Variants in FAM149B1 observed in about 807,000 individuals in gnomAD.
FAM149B1 encodes the protein primary cilium assembly protein FAM149B1.
A neutral mutation model predicts 75.3 loss-of-function variants in FAM149B1; 56 were observed. The observed-to-expected ratio is 0.74, with a 90% CI of 0.60 to 0.93. The LOEUF is 0.93. FAM149B1 is among the 40% of genes least tolerant of loss of function. FAM149B1 has a pLI of 0.00. For synonymous variants in FAM149B1, 259 were observed against 256.1 expected (o/e 1.01, Z -0.11); for missense variants, 639 against 708.4 (o/e 0.90, Z 1.11).
chr10:73,231,621 C>T (rs2043699782), intron 9 of FAM149B1, among the ~76,000 whole-genome samples: 2 of 149,808 alleles, frequency 1.3e-5, no homozygotes, highest in South Asian at 2.1e-4. Context: ...GGGTGAGAAA[C>T]GAATGAGCTA....
intron 7 of FAM149B1, among the ~76,000 whole-genome samples, chr10:73,227,235 G>A (rs951200769): frequency 2.6e-5 from 4 of 151,990 alleles, no homozygotes; most frequent in African/African-American, 4.8e-5. Flanking sequence ...CCAAGGGCAC[G>A]TGCCACCATG....
chr10:73,208,191 T>C (rs758987257), intron 5 of FAM149B1, among the ~76,000 whole-genome samples: 1 of 152,232 alleles, frequency 6.6e-6, no homozygotes, highest in African/African-American at 2.4e-5. Context: ...CCTCTCTTGC[T>C]CCTGCTCCCA....
At chr10:73,234,572 G>A in intron 10 of FAM149B1, 1 of 458,068 alleles carries the variant, frequency 2.2e-6, no homozygotes, top group East Asian at 4.0e-5. Flanking sequence ...CCAGTTCTGT[G>A]GGAGAGAAAA....
chr10:73,174,681 T>C lies in FAM149B1; in HGVS notation c.48-6T>C, dbSNP rs895336029. 8 of 1,539,536 alleles carry C rather than the reference T, an allele frequency of 5.2e-6. No homozygotes were observed. Among genetic ancestry groups the C allele is most frequent in the Non-Finnish European group, 7.0e-6 (8 of 1,138,558 alleles). ...AGGAAATATAACTTTGTTTTGTCTT[T>C]CACAGGAAAGGAATAACAAAACATG... On this transcript the variant is annotated splice_region_variant and splice_polypyrimidine_tract_variant and intron_variant, in intron 1 of 13. Transcript: ENST00000242505.
intron 1 of FAM149B1, among the ~76,000 whole-genome samples, chr10:73,168,719 A>G (rs968007509): frequency 6.6e-6 from 1 of 152,252 alleles, no homozygotes; most frequent in African/African-American, 2.4e-5. Flanking sequence ...CTCACTTGAC[A>G]CTGTGCAAAG....
intron 12 of FAM149B1, among the ~76,000 whole-genome samples, chr10:73,237,808 C>CA (rs1481487371): frequency 1.3e-5 from 2 of 152,094 alleles, no homozygotes; most frequent in African/African-American, 4.8e-5. Flanking sequence ...ACTGCAGCCT[C>CA]AAACTCCTGG....
rs560067839 is a variant in FAM149B1 at position 73,243,959 on chromosome 10, G to A, written c.*2940G>A. The A allele has an allele frequency of 5.6e-4, 889 of 1,582,424 alleles. 10 individuals are homozygous for A. The South Asian group carries it at 9.4e-3, about 17-fold the overall frequency. ...AACAGGAACTCACATGAGACTCAGG[G>A]CCACCAGGAAATGCTTAAAATACAT... On this transcript the variant is annotated 3_prime_UTR_variant, in exon 14 of 14. Coordinates refer to ENST00000242505, the MANE Select transcript of FAM149B1 (RefSeq NM_173348.2).
At chr10:73,228,666 C>T (rs755233469) in intron 8 of FAM149B1, among the ~76,000 whole-genome samples, 1 of 152,014 alleles carries the variant, frequency 6.6e-6, no homozygotes, top group Non-Finnish European at 1.5e-5. Flanking sequence ...GGCATGATCT[C>T]GGCTCACTGC....
In FAM149B1 at chr10:73,174,448, A is replaced by G. The variant is rs375221745; in HGVS notation, c.48-239A>G. 1.3e-3 allele frequency among the ~76,000 whole-genome samples: 192 copies of G among 152,358 alleles called. 6 individuals are homozygous for G. In the South Asian group the frequency reaches 0.038, roughly 30 times the overall value. On this transcript the variant is annotated intron_variant, in intron 1 of 13. Coordinates refer to ENST00000242505, the MANE Select transcript of FAM149B1 (RefSeq NM_173348.2). ...TTTAACAACCCAATATATCCAAAATATTATCATTTTAATATGTAATCAAGA... is the reference window on the plus strand; with the variant it reads ...TTTAACAACCCAATATATCCAAAATGTTATCATTTTAATATGTAATCAAGA...
intron 7 of FAM149B1, among the ~76,000 whole-genome samples, chr10:73,212,853 C>CTCTGTGTT (rs1222612834): frequency 6.8e-6 from 1 of 146,124 alleles, no homozygotes; most frequent in East Asian, 2.2e-4. Context: ...CACTCTCTCT[C>CTCTGTGTT]TCTCTCTGTG....
intron 9 of FAM149B1, among the ~76,000 whole-genome samples, 162 bp from the exon 10 acceptor site, chr10:73,232,777 A>G (rs1310841625): frequency 6.6e-6 from 1 of 152,218 alleles, no homozygotes; most frequent in Non-Finnish European, 1.5e-5. Context: ...TGCCTGAGCT[A>G]GAGTACCATC....
intron 7 of FAM149B1, among the ~76,000 whole-genome samples, chr10:73,215,247 C>T (rs2043270853): frequency 6.6e-6 from 1 of 152,158 alleles, no homozygotes; most frequent in African/African-American, 2.4e-5. Context: ...TCTTGAACTC[C>T]TCACCTCAAG....
chr10:73,196,320 C>A (rs2042804360), intron 5 of FAM149B1, among the ~76,000 whole-genome samples: 1 of 151,654 alleles, frequency 6.6e-6, no homozygotes, highest in African/African-American at 2.4e-5. Context: ...TTTTGCCCCC[C>A]ACCCTTTTTT....
intron 3 of FAM149B1, among the ~76,000 whole-genome samples, chr10:73,181,670 T>C (rs565440210): frequency 3.3e-5 from 5 of 152,198 alleles, no homozygotes; most frequent in Non-Finnish European, 7.3e-5. Context: ...TAACATATGG[T>C]CCATCCTTGA....
intron 7 of FAM149B1, among the ~76,000 whole-genome samples, chr10:73,221,617 G>A (rs2043416539): frequency 6.6e-6 from 1 of 151,888 alleles, no homozygotes. Flanking sequence ...GTGCCTTAAT[G>A]TAGTTTTCCC....
At chr10:73,236,161 G>A (rs1276355375) in intron 12 of FAM149B1, among the ~76,000 whole-genome samples, 5 of 152,182 alleles carry the variant, frequency 3.3e-5, no homozygotes, top group Non-Finnish European at 5.9e-5. Context: ...GAGTGGTAAG[G>A]ATAATCAATA....
intron 7 of FAM149B1, among the ~76,000 whole-genome samples, chr10:73,220,291 G>A (rs2043381352): frequency 6.6e-6 from 1 of 152,042 alleles, no homozygotes; most frequent in Non-Finnish European, 1.5e-5. Flanking sequence ...TAAAGATACA[G>A]AGAAATTGGA....
intron 12 of FAM149B1, among the ~76,000 whole-genome samples, chr10:73,237,418 A>G (rs1476588008): frequency 6.6e-6 from 1 of 151,902 alleles, no homozygotes; most frequent in Non-Finnish European, 1.5e-5. Flanking sequence ...AGATTCTCTG[A>G]AACTTTTTTT....
rs780569451 is a variant in FAM149B1, at chr10:73,244,039, T to C, written c.*3020T>C. The C allele has an allele frequency of 6.3e-5, 53 of 837,834 alleles. No homozygotes were observed. The highest frequency in any genetic ancestry group is 1.1e-4 in the Admixed American group (4 of 37,002). 51.9% of individuals were successfully genotyped at this position (837,834 alleles called of 1,614,324 possible). A position where few individuals can be genotyped will look rare whatever the true frequency, so the allele number is the denominator to read the frequency against. ...TGTTTCAATTTTATGAATATATGAA[T>C]AGACAAAATGAATCGAATTACATAA... is the stretch of plus-strand genomic sequence containing the variant. On this transcript the variant is annotated 3_prime_UTR_variant, in exon 14 of 14. Coordinates refer to ENST00000242505, the MANE Select transcript of FAM149B1 (RefSeq NM_173348.2).
Sources: gnomAD v4.1 joint callset for allele counts (sites outside exome capture counted in the v4.1 genomes callset) on GRCh38, gnomAD v4.1.1 for gene constraint, MANE v1.5 for transcripts, NCBI Gene and HGNC (gene_info 2026-07-23, HGNC 2026-07-21) for gene names.